ADAMTS16: variants seen among roughly 807,000 people sequenced by gnomAD.
ADAMTS16 encodes the protein ADAM metallopeptidase with thrombospondin type 1 motif 16.
ADAMTS16 carries 94 observed loss-of-function variants against 145.8 expected under a neutral mutation model. The observed-to-expected ratio is 0.64, with a 90% CI of 0.55 to 0.77. The LOEUF (loss-of-function observed/expected upper bound fraction) is 0.77. ADAMTS16 is among the 30% of genes least tolerant of loss of function. The pLI is 0.00. For synonymous variants in ADAMTS16, 659 were observed against 604.3 expected (o/e 1.09, Z -1.33); for missense variants, 1,585 against 1,591.5 (o/e 1.00, Z 0.07).
Position 5,140,503 on chromosome 5 carries a change from G to C in ADAMTS16, c.36G>C (p.Ala12=). Residue 12 remains alanine (A), a synonymous_variant, in exon 1 of 23, where the codon GCG becomes GCC. Coordinates refer to ENST00000274181, the MANE Select transcript of ADAMTS16 (RefSeq NM_139056.4). Reference sequence around the variant, plus strand: ...GCGCGCGCGGATGGCGGGGCTTGGCGGCGCTGTGGATGCTGTTGGCGCAGG... The same window carrying C: ...GCGCGCGCGGATGGCGGGGCTTGGCCGCGCTGTGGATGCTGTTGGCGCAGG... ...KPRARGWRGL[A]ALWMLLAQVA... is the part of the protein sequence containing the mutation. 1 of 1,519,318 alleles carries C rather than the reference G, an allele frequency of 6.6e-7. No individual in the cohort carries two copies. Among genetic ancestry groups the C allele is most frequent in the South Asian group, 1.2e-5 (1 of 82,352 alleles). The allele number at this position is 1,519,318 out of a possible 1,614,324, so 94.1% of individuals were successfully genotyped here. A position where few individuals can be genotyped will look rare whatever the true frequency, so the allele number is the denominator to read the frequency against.
chr5:5,173,047 T>G (rs551561915), intron 3 of ADAMTS16, among the ~76,000 whole-genome samples: 2 of 151,980 alleles, frequency 1.3e-5, no homozygotes, highest in South Asian at 4.2e-4. Flanking sequence ...ACTCCAGCCC[T>G]TTTTTTTCCC....
At chr5:5,314,749 T>C (rs1165749543) in intron 21 of ADAMTS16, among the ~76,000 whole-genome samples, 1 of 152,156 alleles carries the variant, frequency 6.6e-6, no homozygotes, top group Non-Finnish European at 1.5e-5. Context: ...CACCTGTGCA[T>C]AGGAATCATC....
chr5:5,216,446 A>G (rs1736444515), intron 10 of ADAMTS16, among the ~76,000 whole-genome samples: 1 of 151,732 alleles, frequency 6.6e-6, no homozygotes, highest in South Asian at 2.1e-4. Flanking sequence ...AGACGTATAG[A>G]TTGTTAAGAT....
intron 3 of ADAMTS16, among the ~76,000 whole-genome samples, chr5:5,148,118 A>G (rs947588293): frequency 6.5e-5 from 2 of 30,682 alleles, no homozygotes; most frequent in African/African-American, 2.0e-4. Flanking sequence ...TCTGGATAAT[A>G]ACAGTGGTAT....
rs764487544 is a variant in ADAMTS16, at chr5:5,182,215, A to G, written c.673A>G (p.Thr225Ala). The G allele has an allele frequency of 1.2e-6, 2 of 1,614,178 alleles. No homozygotes were observed. Among genetic ancestry groups the G allele is most frequent in the East Asian group, 2.2e-5 (1 of 44,864 alleles). Residue 225 changes from threonine to alanine, a missense_variant, in exon 4 of 23, where the codon ACA becomes GCA. By Grantham distance (58) the Thr-to-Ala change is moderately conservative (BLOSUM62 0). This residue lies in a region of ADAMTS16 where 453 missense variants were observed against 412.1 expected (regional missense o/e 1.10). Coordinates refer to ENST00000274181, the MANE Select transcript of ADAMTS16 (RefSeq NM_139056.4). ...CAGTGAGGTCCTGGTGACCTCAAGG[A>G]CATGGGAGCTGGCACATCAACCCCT... is the stretch of plus-strand genomic sequence containing the variant. ...GASEVLVTSRTWELAHQPLHS... is the reference protein window; with the variant it reads ...GASEVLVTSRAWELAHQPLHS...
chr5:5,262,608 G>C (rs1738070636), intron 17 of ADAMTS16, 49 bp from the exon 18 acceptor site: 1 of 1,583,534 alleles, frequency 6.3e-7, no homozygotes, highest in Admixed American at 1.8e-5. Flanking sequence ...GCCTTTTACT[G>C]TGGGGCATGC....
intron 9 of ADAMTS16, among the ~76,000 whole-genome samples, chr5:5,202,176 C>T (rs1735977881): frequency 6.6e-6 from 1 of 152,078 alleles, no homozygotes; most frequent in Admixed American, 6.6e-5. Flanking sequence ...GGATTTTGAT[C>T]ATCAGCCTCC....
intron 3 of ADAMTS16, among the ~76,000 whole-genome samples, chr5:5,147,109 C>T (rs1734320647): frequency 6.6e-6 from 1 of 152,162 alleles, no homozygotes; most frequent in Non-Finnish European, 1.5e-5. Flanking sequence ...AAGAATCTAC[C>T]TGCATCCCTC....
At chr5:5,183,197 A>G (rs1579294135) in intron 4 of ADAMTS16, among the ~76,000 whole-genome samples, 1 of 152,326 alleles carries the variant, frequency 6.6e-6, no homozygotes, top group South Asian at 2.1e-4. Flanking sequence ...GATGACTTGA[A>G]AACCTCACAC....
chr5:5,145,256 C>T (rs1734262823), intron 2 of ADAMTS16, among the ~76,000 whole-genome samples: 1 of 152,348 alleles, frequency 6.6e-6, no homozygotes, highest in East Asian at 1.9e-4. Context: ...CATACATTTA[C>T]AGTGAAATTA....
intron 3 of ADAMTS16, among the ~76,000 whole-genome samples, chr5:5,175,551 G>A (rs1395082108): frequency 6.6e-6 from 1 of 152,146 alleles, no homozygotes; most frequent in African/African-American, 2.4e-5. Context: ...TCCACCGGTT[G>A]TACACCCAAC....
intron 3 of ADAMTS16, among the ~76,000 whole-genome samples, chr5:5,172,071 C>G (rs370951373): frequency 6.6e-6 from 1 of 152,094 alleles, no homozygotes; most frequent in African/African-American, 2.4e-5. Flanking sequence ...ACAGAAGCCT[C>G]TAATCATCCT....
At chr5:5,275,875 T>G (rs1261346732) in intron 18 of ADAMTS16, among the ~76,000 whole-genome samples, 1 of 152,120 alleles carries the variant, frequency 6.6e-6, no homozygotes, top group Non-Finnish European at 1.5e-5. Context: ...TTTTTTTTTT[T>G]TTTAAGACGG....
chr5:5,249,881 G>A (rs1252843320), intron 17 of ADAMTS16, among the ~76,000 whole-genome samples: 1 of 152,176 alleles, frequency 6.6e-6, no homozygotes, highest in Non-Finnish European at 1.5e-5. Context: ...AGTGACTCTA[G>A]TGGGAAAGGG....
chr5:5,303,213 C>T (rs1255011155), intron 18 of ADAMTS16, 55 bp from the exon 19 acceptor site: 3 of 1,470,162 alleles, frequency 2.0e-6, no homozygotes, highest in South Asian at 1.4e-5. Flanking sequence ...TGTGGGGCCG[C>T]TTCTATCAGA....
intron 3 of ADAMTS16, among the ~76,000 whole-genome samples, chr5:5,147,834 T>C (rs1216974114): frequency 6.6e-6 from 1 of 152,172 alleles, no homozygotes; most frequent in Non-Finnish European, 1.5e-5. Context: ...CCCTTTACAC[T>C]TGGGTAATTT....
chr5:5,197,428 A>G (rs1443566441), intron 8 of ADAMTS16, among the ~76,000 whole-genome samples: 1 of 152,224 alleles, frequency 6.6e-6, no homozygotes, highest in Non-Finnish European at 1.5e-5. Flanking sequence ...TCCTTCCTTC[A>G]CTTAACAAAC....
chr5:5,161,457 T>A (rs1197614647), intron 3 of ADAMTS16, among the ~76,000 whole-genome samples: 2 of 152,178 alleles, frequency 1.3e-5, no homozygotes, highest in Non-Finnish European at 2.9e-5. Flanking sequence ...CTGTCCTAGA[T>A]ACAATGCACA....
At chr5:5,262,546 C>T in intron 17 of ADAMTS16, 111 bp from the exon 18 acceptor site, 1 of 1,451,302 alleles carries the variant, frequency 6.9e-7, no homozygotes, top group Non-Finnish European at 9.2e-7. Context: ...AACACAAACA[C>T]ATGCCAGTAT....
Sources: gnomAD v4.1 joint callset for allele counts (sites outside exome capture counted in the v4.1 genomes callset) on GRCh38, gnomAD v4.1.1 for gene constraint, gnomAD v4.1.1 regional missense constraint, MANE v1.5 for transcripts, NCBI Gene and HGNC (gene_info 2026-07-23, HGNC 2026-07-21) for gene names.